Variants in HDLBP observed in about 807,000 individuals in gnomAD.
HDLBP encodes high density lipoprotein binding protein, also known as vigilin.
Under a neutral mutation model 137.3 loss-of-function variants are expected in HDLBP, and 30 were observed. That is an observed-to-expected ratio of 0.22 (90% CI 0.16 to 0.30). The LOEUF (loss-of-function observed/expected upper bound fraction) is 0.30. Ranked by LOEUF, HDLBP falls within the 10% of genes least tolerant of loss-of-function variation. The pLI is 1.00. For synonymous variants in HDLBP, 606 were observed against 596.0 expected (o/e 1.02, Z -0.24); for missense variants, 1,119 against 1,667.3 (o/e 0.67, Z 5.73).
At chr2:241,251,746 G>A (rs2072201948) in intron 11 of HDLBP, among the ~76,000 whole-genome samples, 3 of 152,194 alleles carry the variant, frequency 2.0e-5, no homozygotes, top group African/African-American at 7.2e-5. Context: ...AGGCCGAGGT[G>A]GGCAGATCAA....
At chr2:241,265,747 C>T (rs973332702) in intron 3 of HDLBP, among the ~76,000 whole-genome samples, 2 of 152,222 alleles carry the variant, frequency 1.3e-5, no homozygotes, top group African/African-American at 4.8e-5. Flanking sequence ...CCAGGCCCAT[C>T]GCTTCCCAGC....
At chr2:241,300,224 T>C (rs1336928282) in intron 1 of HDLBP, among the ~76,000 whole-genome samples, 1 of 152,098 alleles carries the variant, frequency 6.6e-6, no homozygotes, top group African/African-American at 2.4e-5. Context: ...GCCCAGTTCT[T>C]CCTAGTAGAA....
chr2:241,311,865 A>C (rs964638207), intron 1 of HDLBP, among the ~76,000 whole-genome samples: 1 of 152,258 alleles, frequency 6.6e-6, no homozygotes. Flanking sequence ...ATCCGTTTGC[A>C]CTGAGAAGGC....
chr2:241,236,771 T>G lies in HDLBP; in HGVS notation c.2750-2A>C. 6.2e-7 allele frequency: 1 copy of G among 1,613,484 alleles called. No homozygotes were observed. Among genetic ancestry groups the G allele is most frequent in the Non-Finnish European group, 8.5e-7 (1 of 1,179,678 alleles). The stretch of plus-strand genomic sequence containing the variant: ...GGACAACTGGCTCTGTACTGTGAAC[T>G]AGAGAGAAAGGGGAAAAGGGACAGC... On this transcript the variant is annotated splice_acceptor_variant, in intron 20 of 27. Transcript: ENST00000310931. LOFTEE classifies it high-confidence loss of function.
chr2:241,230,284 C>A lies in HDLBP; in HGVS notation c.3475-15G>T, dbSNP rs751287783. On this transcript the variant is annotated splice_polypyrimidine_tract_variant and intron_variant, in intron 25 of 27. Transcript: ENST00000310931. The surrounding 1 kb of genome is among the most constrained non-coding windows in gnomAD (Gnocchi z 5.0). ...CGAATGTCCACCTGGAAGGGGTGTA[C>A]AACGTCAGATGAGGGGACTCCAAGC... The A allele has an allele frequency of 2.0e-6, 3 of 1,502,520 alleles. No individual in the cohort carries two copies. The highest frequency in any genetic ancestry group is 2.7e-6 in the Non-Finnish European group (3 of 1,094,064). The allele number at this position is 1,502,520 out of a possible 1,614,324, so 93.1% of individuals were successfully genotyped here.
intron 1 of HDLBP, among the ~76,000 whole-genome samples, chr2:241,287,659 T>G (rs1207405824): frequency 1.3e-5 from 2 of 152,104 alleles, no homozygotes; most frequent in African/African-American, 4.8e-5. Context: ...CTGGCCTCAG[T>G]GATCTGCCTG....
At chr2:241,310,543 T>C (rs188512758) in intron 1 of HDLBP, among the ~76,000 whole-genome samples, 1 of 152,282 alleles carries the variant, frequency 6.6e-6, no homozygotes, top group East Asian at 1.9e-4. Context: ...AAGTATAATT[T>C]GTCAATTTAC....
chr2:241,253,215 C>T (rs1029831854), intron 10 of HDLBP, 178 bp downstream of exon 10: 5 of 664,250 alleles, frequency 7.5e-6, no homozygotes, highest in Non-Finnish European at 1.1e-5. Context: ...CCTCCACCCA[C>T]GATTATTCCA....
At chr2:241,305,525 C>A (rs898644916) in intron 1 of HDLBP, among the ~76,000 whole-genome samples, 5 of 152,208 alleles carry the variant, frequency 3.3e-5, no homozygotes, top group African/African-American at 1.2e-4. Context: ...AACCTCAGCG[C>A]TGCTGACATT....
chr2:241,287,731 G>A (rs1024614144), intron 1 of HDLBP, among the ~76,000 whole-genome samples: 2 of 152,160 alleles, frequency 1.3e-5, no homozygotes, highest in Non-Finnish European at 2.9e-5. Context: ...CTGCAGCTAT[G>A]TGTTACGTTG....
intron 16 of HDLBP, 25 bp from the exon 17 acceptor site, chr2:241,242,703 G>A: frequency 1.3e-6 from 2 of 1,593,450 alleles, no homozygotes; most frequent in South Asian, 1.1e-5. Flanking sequence ...AGGGCAGGAG[G>A]AGGAAGTCAC....
intron 1 of HDLBP, among the ~76,000 whole-genome samples, chr2:241,314,722 C>T (rs972396315): frequency 6.6e-6 from 1 of 152,180 alleles, no homozygotes; most frequent in African/African-American, 2.4e-5. Context: ...TAGCAGCTAG[C>T]CTTGAGCACC....
intron 5 of HDLBP, among the ~76,000 whole-genome samples, chr2:241,258,298 G>A (rs1470131537): frequency 7.5e-6 from 1 of 133,796 alleles, no homozygotes; most frequent in Admixed American, 9.2e-5. Flanking sequence ...AGTGAGCCGA[G>A]ATCGCGCCAC....
At chr2:241,294,068 A>G (rs973650935) in intron 1 of HDLBP, among the ~76,000 whole-genome samples, 1 of 152,200 alleles carries the variant, frequency 6.6e-6, no homozygotes, top group African/African-American at 2.4e-5. Flanking sequence ...ACAATGATAC[A>G]ATATTATCTT....
intron 1 of HDLBP, among the ~76,000 whole-genome samples, chr2:241,309,089 GCTCAT>G (rs1437570412): frequency 6.6e-6 from 1 of 152,258 alleles, no homozygotes; most frequent in African/African-American, 2.4e-5. Context: ...TGGCTTGTTT[GCTCAT>G]CTCAAGTTTG....
intron 20 of HDLBP, among the ~76,000 whole-genome samples, chr2:241,237,000 A>G (rs1574861433): frequency 6.8e-6 from 1 of 147,306 alleles, no homozygotes; most frequent in South Asian, 2.2e-4. Context: ...GGGGGCGGCA[A>G]TGAAGGCTTT....
intron 1 of HDLBP, among the ~76,000 whole-genome samples, chr2:241,297,213 G>A (rs2075211761): frequency 6.6e-6 from 1 of 152,206 alleles, no homozygotes; most frequent in Non-Finnish European, 1.5e-5. Flanking sequence ...GCTCATGGTG[G>A]GTGGAGGTGC....
chr2:241,245,780 C>A lies in HDLBP; in HGVS notation c.1950+972G>T, dbSNP rs375559034. On this transcript the variant is annotated intron_variant, in intron 16 of 27. Transcript: ENST00000310931. ...CTGCACCACTGCACTCCAGCCTGGA[C>A]GACAGCAAGACCTCATCTCCAAAAA... Among the ~76,000 whole-genome samples, 21 of 151,986 alleles carry A rather than the reference C, an allele frequency of 1.4e-4. 1 individual carries two copies. In the East Asian group the frequency reaches 3.3e-3, roughly 24 times the overall value.
Position 241,229,970 on chromosome 2 carries a change from AGAAGACAG to A in HDLBP, c.3592-17_3592-10del, listed in dbSNP as rs763140336. ...TCCACCACGTCAGCTAGCTGCAGGC[AGAAGACAG>A]GAAGACAGGGTCAGTCTGCCCAGCA... On this transcript the variant is annotated splice_polypyrimidine_tract_variant and intron_variant, in intron 26 of 27. Coordinates refer to ENST00000310931, the MANE Select transcript of HDLBP (RefSeq NM_005336.6). The A allele has an allele frequency of 3.8e-6, 6 of 1,591,320 alleles. No homozygotes were observed. Among genetic ancestry groups the A allele is most frequent in the Non-Finnish European group, 5.1e-6 (6 of 1,167,816 alleles).
Sources: allele counts gnomAD v4.1 joint callset (sites outside exome capture counted in the v4.1 genomes callset), GRCh38; gene constraint gnomAD v4.1.1; non-coding constraint Gnocchi (gnomAD v3.1); transcripts MANE v1.5; gene names NCBI Gene and HGNC (gene_info 2026-07-23, HGNC 2026-07-21).